Variants in CNTNAP3B observed in about 807,000 individuals in gnomAD.
CNTNAP3B encodes contactin associated protein family member 3B.
In CNTNAP3B, 25 loss-of-function variants were observed where a neutral mutation model predicts 108.9. That is an observed-to-expected ratio of 0.23 (90% CI 0.17 to 0.32). CNTNAP3B has a LOEUF of 0.32. Ranked by LOEUF, CNTNAP3B falls within the 10% of genes least tolerant of loss-of-function variation. The pLI, the probability that CNTNAP3B is intolerant of heterozygous loss-of-function variation, is 1.00. For synonymous variants in CNTNAP3B, 103 were observed against 473.4 expected (o/e 0.22, Z 10.16); for missense variants, 252 against 1,210.4 (o/e 0.21, Z 11.75).
At chr9:41,922,213 C>G (rs1397322188) in intron 17 of CNTNAP3B, among the ~76,000 whole-genome samples, 1 of 127,396 alleles carries the variant, frequency 7.8e-6, no homozygotes, top group Non-Finnish European at 1.7e-5. Context: ...CGCCTGTAAT[C>G]CCAGCACTTT....
intron 1 of CNTNAP3B, among the ~76,000 whole-genome samples, chr9:42,107,072 G>A (rs1183329340): frequency 1.1e-5 from 1 of 89,972 alleles, no homozygotes; most frequent in African/African-American, 4.3e-5. Context: ...AGTATCATGC[G>A]ATACATGAAA....
chr9:41,997,780 T>C, intron 5 of CNTNAP3B, 28 bp from the exon 6 acceptor site: 1 of 1,387,438 alleles, frequency 7.2e-7, no homozygotes, highest in Non-Finnish European at 9.7e-7. Context: ...AAAACAGTTA[T>C]TTCTGTTCAA....
At position 42,017,256 on chromosome 9, in the gene CNTNAP3B, C is replaced by G. The variant is rs572554511; in HGVS notation, c.391-3731G>C. On this transcript the variant is annotated intron_variant, in intron 3 of 23. Coordinates refer to ENST00000377561, the MANE Select transcript of CNTNAP3B (RefSeq NM_001201380.3). ...CTAACAGTCACAGTCAGTGATGGTG[C>G]TCATGTGATATCCTGGTCTGCAAAA... 1.8e-4 allele frequency among the ~76,000 whole-genome samples: 24 copies of G among 136,526 alleles called. 1 individual carries two copies. The highest frequency in any genetic ancestry group is 3.4e-4 in the Non-Finnish European group (22 of 64,084). 89.6% of individuals were successfully genotyped at this position (136,526 alleles called of 152,430 possible). A position where few individuals can be genotyped will look rare whatever the true frequency, so the allele number is the denominator to read the frequency against.
At chr9:41,962,505 C>T (rs1462650428) in intron 11 of CNTNAP3B, among the ~76,000 whole-genome samples, 1 of 148,812 alleles carries the variant, frequency 6.7e-6, no homozygotes, top group Non-Finnish European at 1.5e-5. Flanking sequence ...ATAAATTTTC[C>T]AGGTAACACA....
rs1016648440 is a variant in CNTNAP3B, at chr9:42,104,537, T to G, written c.196+92A>C. On this transcript the variant is annotated intron_variant, in intron 2 of 23. Transcript: ENST00000377561. Reference sequence around the variant, plus strand: ...ATGCTTATTCTGAATTTTACTTCCTTCTGCAAAGTATTAATCAATTATAAT... The same window carrying G: ...ATGCTTATTCTGAATTTTACTTCCTGCTGCAAAGTATTAATCAATTATAAT... The G allele has an allele frequency of 2.7e-5, 19 of 714,120 alleles. 4 individuals carry two copies. The African/African-American group carries it at 3.7e-4, about 14-fold the overall frequency. 44.2% of individuals were successfully genotyped at this position (714,120 alleles called of 1,614,324 possible). A position where few individuals can be genotyped will look rare whatever the true frequency, so the allele number is the denominator to read the frequency against.
chr9:41,981,974 C>T (rs1341965195), intron 9 of CNTNAP3B, among the ~76,000 whole-genome samples: 6 of 69,362 alleles, frequency 8.7e-5, no homozygotes, highest in Non-Finnish European at 1.3e-4. Flanking sequence ...GAGGCTGAGG[C>T]GGGGGAACCT....
chr9:41,917,741 TG>T (rs1220043134), intron 18 of CNTNAP3B, among the ~76,000 whole-genome samples: 1 of 150,278 alleles, frequency 6.7e-6, no homozygotes, highest in Non-Finnish European at 1.5e-5. Context: ...ACTTCTCAGC[TG>T]TTTCTGCGTG....
intron 1 of CNTNAP3B, among the ~76,000 whole-genome samples, chr9:42,105,667 T>C (rs1299610364): frequency 2.3e-5 from 2 of 85,514 alleles, no homozygotes; most frequent in Non-Finnish European, 4.8e-5. Context: ...TTCCTATGCG[T>C]AGCCATGGGT....
intron 14 of CNTNAP3B, among the ~76,000 whole-genome samples, chr9:41,931,089 C>A (rs1162864256): frequency 6.6e-6 from 1 of 152,282 alleles, no homozygotes; most frequent in African/African-American, 2.4e-5. Context: ...AGTTCTCAAA[C>A]CTTCTTTTGT....
intron 12 of CNTNAP3B, among the ~76,000 whole-genome samples, chr9:41,955,972 A>G (rs1824844778): frequency 6.6e-6 from 1 of 152,242 alleles, no homozygotes; most frequent in South Asian, 2.1e-4. Context: ...ATGTGCTCAG[A>G]ACACTTAAAT....
chr9:41,965,138 G>A (rs1250737310), intron 10 of CNTNAP3B, among the ~76,000 whole-genome samples: 2 of 152,290 alleles, frequency 1.3e-5, no homozygotes, highest in Non-Finnish European at 2.9e-5. Flanking sequence ...TTTGCAATAA[G>A]CAGTCGGTTA....
chr9:41,997,399 T>C (rs1265788213), intron 6 of CNTNAP3B, among the ~76,000 whole-genome samples, 169 bp downstream of exon 6: 2 of 152,190 alleles, frequency 1.3e-5, no homozygotes, highest in African/African-American at 4.8e-5. Flanking sequence ...AGATGATCTA[T>C]TATAATAAAC....
chr9:41,975,163 G>A (rs1825501729), intron 9 of CNTNAP3B: 2 of 192,328 alleles, frequency 1.0e-5, no homozygotes, highest in Admixed American at 1.3e-4. Context: ...TTTCCGGTGG[G>A]GAAGACTAGC....
In CNTNAP3B at chr9:41,953,123, C is replaced by G. The variant is rs1338419234; in HGVS notation, c.2080+60G>C. 7.4e-5 allele frequency: 107 copies of G among 1,448,602 alleles called. No individual in the cohort carries two copies. In the Middle Eastern group the frequency reaches 2.0e-3, roughly 27 times the overall value. The allele number at this position is 1,448,602 out of a possible 1,614,324, so 89.7% of individuals were successfully genotyped here. A position where few individuals can be genotyped will look rare whatever the true frequency, so the allele number is the denominator to read the frequency against. On this transcript the variant is annotated intron_variant, in intron 13 of 23. Coordinates refer to ENST00000377561, the MANE Select transcript of CNTNAP3B (RefSeq NM_001201380.3). ...CCTTTTCTCCCTCAAAGGCATCTCG[C>G]AGCCCGAGGGCCGCGCCCCGGCCTC...
At chr9:42,127,034 A>G (rs1828587004) in intron 1 of CNTNAP3B, among the ~76,000 whole-genome samples, 1 of 138,984 alleles carries the variant, frequency 7.2e-6, no homozygotes, top group Admixed American at 7.2e-5. Flanking sequence ...TCTTCTTGGT[A>G]TTGAAGGTGG....
intron 11 of CNTNAP3B, among the ~76,000 whole-genome samples, chr9:41,963,631 A>C (rs1256199159): frequency 6.6e-5 from 10 of 151,646 alleles, no homozygotes; most frequent in Non-Finnish European, 1.3e-4. Context: ...ATCTCCAGCG[A>C]TTCTGATTTA....
intron 13 of CNTNAP3B, among the ~76,000 whole-genome samples, chr9:41,948,138 C>A (rs1424277536): frequency 6.7e-6 from 1 of 149,638 alleles, no homozygotes; most frequent in Non-Finnish European, 1.5e-5. Flanking sequence ...GTTGTCCAGG[C>A]TGGAGTGCAG....
At chr9:41,960,387 ATTAT>A (rs1286674122) in intron 12 of CNTNAP3B, 2 of 169,398 alleles carry the variant, frequency 1.2e-5, no homozygotes, top group African/African-American at 2.4e-5. Flanking sequence ...AAATCACTAA[ATTAT>A]TTAAGATGCA....
intron 2 of CNTNAP3B, among the ~76,000 whole-genome samples, chr9:42,078,376 A>T (rs1441398889): frequency 7.3e-5 from 10 of 136,298 alleles, no homozygotes; most frequent in South Asian, 4.6e-4. Flanking sequence ...TCAGATTCTA[A>T]GATATTTTTG....
Sources: allele counts gnomAD v4.1 joint callset (sites outside exome capture counted in the v4.1 genomes callset), GRCh38; gene constraint gnomAD v4.1.1; transcripts MANE v1.5; gene names NCBI Gene and HGNC (gene_info 2026-07-23, HGNC 2026-07-21).